SLC10A7: variants seen among roughly 807,000 people sequenced by gnomAD.
SLC10A7 encodes the protein sodium/bile acid cotransporter 7.
SLC10A7 carries 29 observed loss-of-function variants against 43.2 expected under a neutral mutation model. The observed-to-expected ratio is 0.67, with a 90% CI of 0.50 to 0.92. SLC10A7 has a LOEUF of 0.92. SLC10A7 is among the 40% of genes least tolerant of loss of function. The pLI, the probability that SLC10A7 is intolerant of heterozygous loss-of-function variation, is 0.00. For synonymous variants in SLC10A7, 152 were observed against 144.8 expected (o/e 1.05, Z -0.35); for missense variants, 295 against 403.2 (o/e 0.73, Z 2.30).
At chr4:146,517,488 C>T (rs1188393645) in intron 1 of SLC10A7, among the ~76,000 whole-genome samples, 6 of 151,770 alleles carry the variant, frequency 4.0e-5, no homozygotes, top group Admixed American at 3.3e-4. Flanking sequence ...ATAATAATAA[C>T]AACAATAATA....
intron 5 of SLC10A7, among the ~76,000 whole-genome samples, chr4:146,411,133 C>A (rs1411991947): frequency 6.6e-6 from 1 of 152,130 alleles, no homozygotes; most frequent in Non-Finnish European, 1.5e-5. Context: ...CCTTGCCCGG[C>A]CTTCTTCACC....
intron 10 of SLC10A7, among the ~76,000 whole-genome samples, chr4:146,263,099 CT>C (rs1728336887): frequency 6.6e-6 from 1 of 152,208 alleles, no homozygotes; most frequent in Admixed American, 6.5e-5. Context: ...CACCTGAGCT[CT>C]TTCTGCCTAG....
intron 5 of SLC10A7, among the ~76,000 whole-genome samples, chr4:146,335,357 T>A (rs1307627341): frequency 6.6e-6 from 1 of 150,756 alleles, no homozygotes; most frequent in East Asian, 2.0e-4. Flanking sequence ...TGGTGTCATT[T>A]CCCCTTGTCC....
At chr4:146,367,029 G>A (rs536418599) in intron 5 of SLC10A7, among the ~76,000 whole-genome samples, 1 of 147,990 alleles carries the variant, frequency 6.8e-6, no homozygotes, top group South Asian at 2.2e-4. Flanking sequence ...TTTTGTTTTT[G>A]CCATTCATCA....
chr4:146,257,293 T>C (rs947357669), intron 11 of SLC10A7, among the ~76,000 whole-genome samples: 3 of 152,036 alleles, frequency 2.0e-5, no homozygotes, highest in Non-Finnish European at 4.4e-5. Flanking sequence ...GAGCCTGGAG[T>C]GGTACCCAGC....
At chr4:146,439,290 T>G (rs1372009857) in intron 5 of SLC10A7, among the ~76,000 whole-genome samples, 1 of 152,098 alleles carries the variant, frequency 6.6e-6, no homozygotes, top group African/African-American at 2.4e-5. Flanking sequence ...CCTGGGACAT[T>G]ATTAAAGTAG....
At chr4:146,454,704 A>C (rs1176321365) in intron 4 of SLC10A7, among the ~76,000 whole-genome samples, 2 of 151,842 alleles carry the variant, frequency 1.3e-5, no homozygotes, top group African/African-American at 2.4e-5. Context: ...TGCACATATT[A>C]GATGCTCAAT....
rs773887719 is a variant in SLC10A7, at chr4:146,459,994, G to A, written c.397-17173C>T. 2.0e-5 allele frequency among the ~76,000 whole-genome samples: 3 copies of A among 151,734 alleles called. No homozygotes were observed. The South Asian group carries it at 6.2e-4, about 31-fold the overall frequency. On this transcript the variant is annotated intron_variant, in intron 4 of 11. Transcript: ENST00000335472. ...CAAAACTCTTACAACTAAATAAGAA[G>A]ACAACCCCAAGTTTTTAAAAATGGG... is the stretch of plus-strand genomic sequence containing the variant.
intron 5 of SLC10A7, among the ~76,000 whole-genome samples, chr4:146,350,212 T>C (rs897178898): frequency 2.7e-5 from 4 of 149,764 alleles, no homozygotes; most frequent in Admixed American, 1.3e-4. Context: ...AGGCATTGCC[T>C]CACCTGGGAA....
At chr4:146,478,673 A>G (rs1012052009) in intron 4 of SLC10A7, among the ~76,000 whole-genome samples, 1 of 152,178 alleles carries the variant, frequency 6.6e-6, no homozygotes, top group Non-Finnish European at 1.5e-5. Context: ...ATACAGTTGC[A>G]TGCTTCCCAT....
chr4:146,508,898 C>A (rs545847445), intron 3 of SLC10A7, among the ~76,000 whole-genome samples: 1 of 152,150 alleles, frequency 6.6e-6, no homozygotes, highest in African/African-American at 2.4e-5. Flanking sequence ...CTCTACATAC[C>A]TCATTCCTGC....
chr4:146,373,270 T>C (rs1168396233), intron 5 of SLC10A7, among the ~76,000 whole-genome samples: 5 of 151,984 alleles, frequency 3.3e-5, no homozygotes, highest in African/African-American at 1.2e-4. Flanking sequence ...CTCAGGATTT[T>C]AAGATCAGCC....
chr4:146,283,044 G>C, intron 10 of SLC10A7, 148 bp downstream of exon 10: 1 of 582,430 alleles, frequency 1.7e-6, no homozygotes, highest in South Asian at 2.9e-5. Context: ...TCAAAGCAAT[G>C]ACCCACCCTC....
In SLC10A7 at chr4:146,282,363, T is replaced by G. The variant is rs186961394; in HGVS notation, c.847+829A>C. On this transcript the variant is annotated intron_variant, in intron 10 of 11. Coordinates refer to ENST00000335472, the MANE Select transcript of SLC10A7 (RefSeq NM_001029998.6). ...TCATTTTCTAGTTCACAGACTGAAT[T>G]TCCTTAACATAAGCAGACTAAGAAC... Among the ~76,000 whole-genome samples the G allele has an allele frequency of 2.0e-5, 3 of 152,320 alleles. No homozygotes were observed. In the East Asian group the frequency reaches 5.8e-4, roughly 29 times the overall value.
At chr4:146,460,212 A>G (rs1265982368) in intron 4 of SLC10A7, among the ~76,000 whole-genome samples, 1 of 151,970 alleles carries the variant, frequency 6.6e-6, no homozygotes, top group African/African-American at 2.4e-5. Flanking sequence ...GAGGATGTGG[A>G]CCAATGAGGA....
chr4:146,355,711 A>T (rs1735541755), intron 5 of SLC10A7, among the ~76,000 whole-genome samples: 1 of 151,830 alleles, frequency 6.6e-6, no homozygotes, highest in African/African-American at 2.4e-5. Flanking sequence ...ATGCAGCCAT[A>T]AAAAATGATG....
intron 5 of SLC10A7, among the ~76,000 whole-genome samples, chr4:146,332,233 G>A (rs1033265254): frequency 1.3e-5 from 2 of 152,100 alleles, no homozygotes; most frequent in African/African-American, 2.4e-5. Flanking sequence ...TATTAGGCAC[G>A]GTACACTATT....
chr4:146,335,313 A>G (rs1368937413), intron 5 of SLC10A7, among the ~76,000 whole-genome samples: 1 of 148,130 alleles, frequency 6.8e-6, no homozygotes, highest in Non-Finnish European at 1.5e-5. Flanking sequence ...GGATTTTACC[A>G]CTCATAGAAC....
intron 6 of SLC10A7, among the ~76,000 whole-genome samples, chr4:146,306,783 CCTT>C (rs1248311785): frequency 6.6e-6 from 1 of 152,118 alleles, no homozygotes; most frequent in Non-Finnish European, 1.5e-5. Context: ...TTTGTCAAAA[CCTT>C]CTCCTGTTTT....
Sources: allele counts gnomAD v4.1 joint callset (sites outside exome capture counted in the v4.1 genomes callset), GRCh38; gene constraint gnomAD v4.1.1; transcripts MANE v1.5; gene names NCBI Gene and HGNC (gene_info 2026-07-23, HGNC 2026-07-21).